IFT74: variants seen among roughly 807,000 people sequenced by gnomAD.
IFT74 encodes intraflagellar transport protein 74 homolog.
In IFT74, 92 loss-of-function variants were observed where a neutral mutation model predicts 96.7. That is an observed-to-expected ratio of 0.95 (90% CI 0.80 to 1.13). The LOEUF (loss-of-function observed/expected upper bound fraction) is 1.13. IFT74 is among the 50% of genes most tolerant of loss of function. IFT74 has a pLI of 0.00. For missense variants in IFT74, 811 were observed against 698.2 expected (o/e 1.16, Z -1.82); for synonymous variants, 223 against 213.2 (o/e 1.05, Z -0.40).
At chr9:26,963,733 G>GT (rs1212586042) in intron 2 of IFT74, among the ~76,000 whole-genome samples, 2 of 152,192 alleles carry the variant, frequency 1.3e-5, no homozygotes, top group Non-Finnish European at 2.9e-5. Context: ...TGTTTCATGT[G>GT]TTTTTTGGCT....
intron 2 of IFT74, among the ~76,000 whole-genome samples, chr9:26,977,782 C>G (rs902129735): frequency 6.6e-6 from 1 of 152,204 alleles, no homozygotes; most frequent in Non-Finnish European, 1.5e-5. Flanking sequence ...AGCCACCACA[C>G]CCAACTTAAA....
intron 13 of IFT74, among the ~76,000 whole-genome samples, chr9:27,031,191 C>A (rs918976696): frequency 1.3e-5 from 2 of 152,120 alleles, no homozygotes; most frequent in African/African-American, 2.4e-5. Flanking sequence ...TTAAGAAATT[C>A]TTTTAGGTCG....
chr9:26,984,621 T>A, intron 6 of IFT74, 62 bp downstream of exon 6: 1 of 1,273,650 alleles, frequency 7.9e-7, no homozygotes. Flanking sequence ...ACTACTGCTT[T>A]AAAAATACAT....
At chr9:26,951,728 G>A (rs7865952), upstream of IFT74, among the ~76,000 whole-genome samples, 15,481 of 152,036 alleles carry the variant, frequency 0.1, 1,810 homozygotes, top group East Asian at 0.65. Context: ...GTGAAACCCC[G>A]TCTCTACTAA....
At chr9:26,952,996 G>C (rs1271943439), upstream of IFT74, among the ~76,000 whole-genome samples, 2 of 152,164 alleles carry the variant, frequency 1.3e-5, no homozygotes, top group African/African-American at 4.8e-5. Flanking sequence ...GAAAATGGTG[G>C]GGGAGAAACA....
intron 12 of IFT74, among the ~76,000 whole-genome samples, chr9:27,019,070 C>G (rs1421422214): frequency 6.6e-6 from 1 of 152,006 alleles, no homozygotes; most frequent in Admixed American, 6.6e-5. Context: ...CTCCTGGGCT[C>G]AAACCTCCCA....
chr9:26,982,521 A>G (rs2131536018), intron 4 of IFT74: 1 of 281,274 alleles, frequency 3.6e-6, no homozygotes, highest in African/African-American at 2.7e-5. Flanking sequence ...CAATGGCCTG[A>G]TCTCTGGCAC....
At chr9:26,980,658 G>A (rs748912006) in intron 4 of IFT74, 39 bp downstream of exon 4, 40 of 1,295,668 alleles carry the variant, frequency 3.1e-5, no homozygotes, top group Middle Eastern at 2.1e-4. Flanking sequence ...TGTTTTACTC[G>A]AAATATTGTG....
intron 13 of IFT74, among the ~76,000 whole-genome samples, chr9:27,031,880 G>T (rs915901334): frequency 6.6e-6 from 1 of 151,988 alleles, no homozygotes; most frequent in Non-Finnish European, 1.5e-5. Flanking sequence ...GCTAATTGTT[G>T]AAAACTTTTT....
At chr9:26,998,829 CAA>C (rs1176499261) in intron 8 of IFT74, among the ~76,000 whole-genome samples, 4,035 of 129,134 alleles carry the variant, frequency 0.031, 192 homozygotes, top group African/African-American at 0.11. Flanking sequence ...ACTGAAAATA[CAA>C]AAAAAAAAAA....
chr9:27,016,785 G>A, intron 10 of IFT74, 122 bp from the exon 11 acceptor site: 1 of 621,468 alleles, frequency 1.6e-6, no homozygotes, highest in Non-Finnish European at 2.6e-6. Flanking sequence ...AATGATATTT[G>A]CTGTCTGTAT....
At chr9:27,047,463 G>A (rs1819743652) in intron 15 of IFT74, 92 bp downstream of exon 15, 1 of 652,570 alleles carries the variant, frequency 1.5e-6, no homozygotes, top group Non-Finnish European at 2.6e-6. Context: ...GCTCACTATT[G>A]TATCTTCTCA....
intron 2 of IFT74, among the ~76,000 whole-genome samples, chr9:26,963,033 G>T (rs2131483428): frequency 6.7e-6 from 1 of 150,006 alleles, no homozygotes; most frequent in East Asian, 2.0e-4. Flanking sequence ...ATGTATACAT[G>T]TGCCATGCTG....
At chr9:27,048,112 G>A in intron 15 of IFT74, 36 bp from the exon 16 acceptor site, 2 of 1,468,906 alleles carry the variant, frequency 1.4e-6, no homozygotes, top group South Asian at 1.3e-5. Flanking sequence ...CTAAATCAGT[G>A]GATTTTTTTC....
At chr9:27,003,182 T>C (rs188625093) in intron 8 of IFT74, among the ~76,000 whole-genome samples, 3 of 152,258 alleles carry the variant, frequency 2.0e-5, no homozygotes, top group Admixed American at 6.5e-5. Flanking sequence ...TTTTACAGAT[T>C]TTTTGTGGAG....
intron 2 of IFT74, among the ~76,000 whole-genome samples, chr9:26,963,597 T>G (rs2131485409): frequency 6.6e-6 from 1 of 151,340 alleles, no homozygotes; most frequent in East Asian, 2.0e-4. Flanking sequence ...TGTTCCTATT[T>G]CTCCACATCC....
At chr9:27,043,740 T>A (rs1019140470) in intron 13 of IFT74, among the ~76,000 whole-genome samples, 3 of 152,208 alleles carry the variant, frequency 2.0e-5, no homozygotes, top group Non-Finnish European at 4.4e-5. Flanking sequence ...CTGGGAATCA[T>A]ACTTGATTCC....
intron 8 of IFT74, chr9:26,997,656 A>G: frequency 1.3e-5 from 19 of 1,472,648 alleles, no homozygotes; most frequent in South Asian, 5.5e-5. Flanking sequence ...TTAAAACGTG[A>G]TATGAGAGAT....
At chr9:27,000,487 A>G (rs993242458) in intron 8 of IFT74, among the ~76,000 whole-genome samples, 5 of 152,188 alleles carry the variant, frequency 3.3e-5, no homozygotes, top group African/African-American at 1.2e-4. Context: ...TTTTCCCCCC[A>G]TGGTAACTTT....
Sources: allele counts gnomAD v4.1 joint callset (sites outside exome capture counted in the v4.1 genomes callset), GRCh38; gene constraint gnomAD v4.1.1; transcripts MANE v1.5; gene names NCBI Gene and HGNC (gene_info 2026-07-23, HGNC 2026-07-21).